The following SORCS1 variants were observed in gnomAD, a reference collection of about 807,000 sequenced individuals.
The protein encoded by SORCS1 is sortilin related VPS10 domain containing receptor 1, also known as VPS10 domain-containing receptor SorCS1.
SORCS1 carries 60 observed loss-of-function variants against 146.1 expected under a neutral mutation model. The observed-to-expected ratio is 0.41, with a 90% CI of 0.33 to 0.51. The LOEUF (loss-of-function observed/expected upper bound fraction) is 0.51, where lower values mean the gene tolerates loss of function less well. Ranked by LOEUF, SORCS1 falls within the 20% of genes least tolerant of loss-of-function variation. The pLI is 0.21. For missense variants in SORCS1, 1,352 were observed against 1,487.6 expected (o/e 0.91, Z 1.50); for synonymous variants, 637 against 584.0 (o/e 1.09, Z -1.31).
chr10:106,968,212 A>G (rs115605263), intron 1 of SORCS1, among the ~76,000 whole-genome samples: 3,984 of 152,298 alleles, frequency 0.026, 184 homozygotes, highest in African/African-American at 0.09. Context: ...CGTCTCAAAA[A>G]AAAAAAGAGA....
intron 1 of SORCS1, among the ~76,000 whole-genome samples, chr10:107,163,287 G>A (rs1302225920): frequency 6.6e-6 from 1 of 152,172 alleles, no homozygotes; most frequent in Non-Finnish European, 1.5e-5. Context: ...ATCTTCCTGG[G>A]ACTGACCATG....
chr10:106,878,749 T>C (rs1358879540), intron 2 of SORCS1, among the ~76,000 whole-genome samples: 1 of 150,304 alleles, frequency 6.7e-6, no homozygotes, highest in Admixed American at 6.6e-5. Flanking sequence ...GTAAAATTTA[T>C]ATGTAATTTT....
intron 9 of SORCS1, among the ~76,000 whole-genome samples, chr10:106,696,016 C>T (rs771945305): frequency 1.2e-4 from 19 of 152,110 alleles, no homozygotes; most frequent in Non-Finnish European, 2.4e-4. Context: ...TAGAAAGACC[C>T]GTCAGCAATG....
chr10:107,095,806 C>T (rs946362457), intron 1 of SORCS1, among the ~76,000 whole-genome samples: 3 of 152,010 alleles, frequency 2.0e-5, no homozygotes, highest in Non-Finnish European at 2.9e-5. Context: ...AAAAGGTTAC[C>T]TCCCATCCAA....
intron 20 of SORCS1, among the ~76,000 whole-genome samples, chr10:106,619,069 A>G (rs1444573350): frequency 6.6e-6 from 1 of 152,186 alleles, no homozygotes; most frequent in African/African-American, 2.4e-5. Context: ...CAGAAAGAAG[A>G]CTAACGCCCA....
At chr10:106,838,255 T>C (rs1948867230) in intron 2 of SORCS1, among the ~76,000 whole-genome samples, 1 of 152,232 alleles carries the variant, frequency 6.6e-6, no homozygotes, top group Admixed American at 6.5e-5. Flanking sequence ...TTCTATGCCC[T>C]CTACTTTTTT....
intron 3 of SORCS1, among the ~76,000 whole-genome samples, chr10:106,787,428 C>G (rs993944320): frequency 2.6e-5 from 4 of 152,056 alleles, no homozygotes; most frequent in African/African-American, 9.7e-5. Context: ...TTTTATCATG[C>G]CCAGGCCCAC....
chr10:107,045,757 G>A (rs1959326527), intron 1 of SORCS1, among the ~76,000 whole-genome samples: 1 of 149,824 alleles, frequency 6.7e-6, no homozygotes, highest in African/African-American at 2.5e-5. Flanking sequence ...GTATGTGTGT[G>A]TGTGTTATGT....
chr10:107,159,803 T>A (rs1969565821), intron 1 of SORCS1, among the ~76,000 whole-genome samples: 1 of 151,944 alleles, frequency 6.6e-6, no homozygotes, highest in African/African-American at 2.4e-5. Flanking sequence ...AGCTAAAATC[T>A]TTCATCATTT....
chr10:106,702,949 T>C (rs1589696499), intron 8 of SORCS1, among the ~76,000 whole-genome samples: 1 of 152,202 alleles, frequency 6.6e-6, no homozygotes, highest in South Asian at 2.1e-4. Context: ...TGGTAAAACA[T>C]ATTAATTAAT....
In SORCS1 at chr10:106,894,090, G is replaced by A. The variant is rs148087064; in HGVS notation, c.626+62423C>T. On this transcript the variant is annotated intron_variant, in intron 2 of 25. Coordinates refer to ENST00000263054, the MANE Select transcript of SORCS1 (RefSeq NM_052918.5). ...TCAATTCCTTTTCTCTCCCAGAGGG[G>A]TGGGTGGAAGCAGCAGGTGGCAAAT... Among the ~76,000 whole-genome samples, 67 of 152,322 alleles carry A rather than the reference G, an allele frequency of 4.4e-4. 1 individual carries two copies. The East Asian group carries it at 0.012, about 28-fold the overall frequency.
chr10:107,121,179 C>A (rs1966384409), intron 1 of SORCS1, among the ~76,000 whole-genome samples: 1 of 152,152 alleles, frequency 6.6e-6, no homozygotes, highest in Non-Finnish European at 1.5e-5. Flanking sequence ...GACAGTACCA[C>A]CTGTTTCTCA....
At chr10:106,751,025 C>A (rs1020532131) in intron 5 of SORCS1, among the ~76,000 whole-genome samples, 1 of 121,482 alleles carries the variant, frequency 8.2e-6, no homozygotes, top group African/African-American at 3.3e-5. Flanking sequence ...TGCCACTGCA[C>A]TCCAGCCTGG....
intron 1 of SORCS1, among the ~76,000 whole-genome samples, chr10:106,973,203 C>T (rs1410106949): frequency 6.6e-6 from 1 of 152,176 alleles, no homozygotes; most frequent in Non-Finnish European, 1.5e-5. Context: ...AACTGAAAAT[C>T]ACTCCAATGT....
chr10:106,911,444 T>C (rs1295168693), intron 2 of SORCS1, among the ~76,000 whole-genome samples: 1 of 152,170 alleles, frequency 6.6e-6, no homozygotes, highest in Non-Finnish European at 1.5e-5. Flanking sequence ...TCTTCTCCTC[T>C]TAAATTTCAT....
intron 1 of SORCS1, among the ~76,000 whole-genome samples, chr10:106,994,933 G>A (rs563524302): frequency 6.6e-6 from 1 of 152,224 alleles, no homozygotes; most frequent in East Asian, 1.9e-4. Flanking sequence ...AAGTTAAATG[G>A]AAACCTTGTC....
chr10:106,840,625 C>T (rs1006118836), intron 2 of SORCS1, among the ~76,000 whole-genome samples: 2 of 151,902 alleles, frequency 1.3e-5, no homozygotes, highest in Non-Finnish European at 2.9e-5. Flanking sequence ...GAAGCCCTAC[C>T]ATGTGTAAAA....
chr10:107,024,173 CAAAAAAAAAAA>C (rs60404386), intron 1 of SORCS1, among the ~76,000 whole-genome samples: 1 of 94,560 alleles, frequency 1.1e-5, no homozygotes, highest in Non-Finnish European at 2.2e-5. Flanking sequence ...GATTCCATCT[CAAAAAAAAAAA>C]AAAAAAAAAG....
At chr10:106,879,016 G>A (rs985139602) in intron 2 of SORCS1, among the ~76,000 whole-genome samples, 1 of 151,898 alleles carries the variant, frequency 6.6e-6, no homozygotes, top group Admixed American at 6.6e-5. Flanking sequence ...CGGACATGGT[G>A]GTGGGCGCCT....
Sources: allele counts gnomAD v4.1 joint callset (sites outside exome capture counted in the v4.1 genomes callset), GRCh38; gene constraint gnomAD v4.1.1; transcripts MANE v1.5; gene names NCBI Gene and HGNC (gene_info 2026-07-23, HGNC 2026-07-21).